ASRGL1: variants seen among roughly 807,000 people sequenced by gnomAD.
ASRGL1 encodes the protein isoaspartyl peptidase/L-asparaginase.
In ASRGL1, 16 loss-of-function variants were observed where a neutral mutation model predicts 22.4. The observed-to-expected ratio is 0.71, with a 90% confidence interval of 0.48 to 1.08. The LOEUF (loss-of-function observed/expected upper bound fraction) is 1.08, where lower values mean the gene tolerates loss of function less well. ASRGL1 is among the 50% of genes least tolerant of loss of function. The probability of loss-of-function intolerance (pLI) is 0.00; values close to 1 mark genes in which losing one functional copy is unlikely to be tolerated. For synonymous variants in ASRGL1, 165 were observed against 159.3 expected (o/e 1.04, Z -0.27); for missense variants, 412 against 410.1 (o/e 1.00, Z -0.04).
chr11:62,369,235 C>CT (rs1049790228), intron 4 of ASRGL1, among the ~76,000 whole-genome samples: 13 of 151,982 alleles, frequency 8.6e-5, no homozygotes, highest in South Asian at 4.1e-4. Context: ...CCTTCAAGCA[C>CT]TTTTTTTTAA....
At chr11:62,339,589 A>G (rs1191519991) in intron 2 of ASRGL1, among the ~76,000 whole-genome samples, 1 of 152,200 alleles carries the variant, frequency 6.6e-6, no homozygotes, top group Non-Finnish European at 1.5e-5. Context: ...AAATGAGTTG[A>G]TCATGTAACT....
chr11:62,364,841 G>C (rs2134637447), intron 4 of ASRGL1, among the ~76,000 whole-genome samples: 1 of 152,268 alleles, frequency 6.6e-6, no homozygotes, highest in East Asian at 1.9e-4. Flanking sequence ...GGCTGAGGCG[G>C]GCAGATCACC....
intron 4 of ASRGL1, among the ~76,000 whole-genome samples, chr11:62,388,646 G>T (rs1947267980): frequency 1.3e-5 from 2 of 148,374 alleles, no homozygotes; most frequent in Non-Finnish European, 3.0e-5. Flanking sequence ...CTGCAGCCTG[G>T]GCGACAAAGT....
At chr11:62,400,476 G>A in the ASRGL1 span, among the ~76,000 whole-genome samples, 1 of 152,134 alleles carries the variant, frequency 6.6e-6, no homozygotes, top group Non-Finnish European at 1.5e-5. Flanking sequence ...TGGACCCAAA[G>A]TTGCTTTAAC....
In ASRGL1 at chr11:62,338,350, A is replaced by G. The variant is rs994591744; in HGVS notation, c.190+183A>G. On this transcript the variant is annotated intron_variant, in intron 2 of 6. Coordinates refer to ENST00000415229, the MANE Select transcript of ASRGL1 (RefSeq NM_001083926.2). ...AAGAGTCAAACGCTAAAATATTTGTAGAGATTTATACTGAGGCAAATATGA... is the reference window on the plus strand; with the variant it reads ...AAGAGTCAAACGCTAAAATATTTGTGGAGATTTATACTGAGGCAAATATGA... 6 of 712,758 alleles carry G rather than the reference A, an allele frequency of 8.4e-6. No individual in the cohort carries two copies. The South Asian group carries it at 1.4e-4, about 16-fold the overall frequency. 44.2% of individuals were successfully genotyped at this position (712,758 alleles called of 1,614,324 possible). A position where few individuals can be genotyped will look rare whatever the true frequency, so the allele number is the denominator to read the frequency against.
At chr11:62,365,435 T>C (rs904387718) in intron 4 of ASRGL1, among the ~76,000 whole-genome samples, 1 of 151,722 alleles carries the variant, frequency 6.6e-6, no homozygotes, top group African/African-American at 2.4e-5. Context: ...GCGCCTGTAA[T>C]CCCAGCTACT....
At chr11:62,342,149 G>A (rs1373693799) in intron 2 of ASRGL1, among the ~76,000 whole-genome samples, 1 of 152,062 alleles carries the variant, frequency 6.6e-6, no homozygotes, top group African/African-American at 2.4e-5. Context: ...TGTTTCGATT[G>A]GCTCGCAACT....
intron 4 of ASRGL1, among the ~76,000 whole-genome samples, chr11:62,358,471 G>T (rs757441375): frequency 2.0e-5 from 3 of 152,068 alleles, no homozygotes; most frequent in African/African-American, 4.8e-5. Context: ...TAGCAGTGGG[G>T]TTGCCTTATG....
At position 62,366,541 on chromosome 11, in the gene ASRGL1, A is replaced by C. The variant is rs941145789; in HGVS notation, c.491+9397A>C. Among the ~76,000 whole-genome samples the C allele has an allele frequency of 4.9e-5, 6 of 123,600 alleles. 1 individual carries two copies. Among genetic ancestry groups the C allele is most frequent in the African/African-American group, 1.5e-4 (6 of 38,842 alleles). The allele number at this position is 123,600 out of a possible 152,430, so 81.1% of individuals were successfully genotyped here. On this transcript the variant is annotated intron_variant, in intron 4 of 6. Transcript: ENST00000415229. ...TTACTTTAATTTGCTCTTCCCTGAC[A>C]GTGAGTTTGAGCATTTTACATTTGT...
At chr11:62,338,922 G>C (rs930152118) in intron 2 of ASRGL1, among the ~76,000 whole-genome samples, 2 of 80,228 alleles carry the variant, frequency 2.5e-5, no homozygotes, top group Non-Finnish European at 4.4e-5. Context: ...GCGACAGAGC[G>C]AGACTATCTC....
chr11:62,357,342 C>T (rs978827949), intron 4 of ASRGL1, 198 bp downstream of exon 4: 3 of 539,456 alleles, frequency 5.6e-6, no homozygotes, highest in Non-Finnish European at 9.2e-6. Context: ...CTCCGCCTCC[C>T]AGGCTCAAGC....
chr11:62,362,540 TAA>T (rs1192546265), intron 4 of ASRGL1, among the ~76,000 whole-genome samples: 1 of 51,042 alleles, frequency 2.0e-5, no homozygotes, highest in East Asian at 6.6e-4. Context: ...ATATATTATA[TAA>T]AATATATAAC....
chr11:62,389,053 G>A, intron 4 of ASRGL1, 80 bp from the exon 5 acceptor site: 1 of 1,210,724 alleles, frequency 8.3e-7, no homozygotes, highest in African/African-American at 1.5e-5. Flanking sequence ...GAAACTTTAA[G>A]TGGTTTTAAG....
At chr11:62,360,916 A>G (rs966550544) in intron 4 of ASRGL1, among the ~76,000 whole-genome samples, 2 of 152,246 alleles carry the variant, frequency 1.3e-5, no homozygotes, top group African/African-American at 4.8e-5. Flanking sequence ...GAATAATACA[A>G]TGTATCCAAT....
chr11:62,370,745 T>TCA (rs1946739555), intron 4 of ASRGL1, among the ~76,000 whole-genome samples: 2 of 152,168 alleles, frequency 1.3e-5, no homozygotes, highest in Non-Finnish European at 2.9e-5. Context: ...TTTTGTAATA[T>TCA]CACCGCACTA....
chr11:62,393,973 C>T (rs1269454079), downstream of ASRGL1, among the ~76,000 whole-genome samples: 3 of 148,052 alleles, frequency 2.0e-5, no homozygotes, highest in Non-Finnish European at 3.0e-5. Context: ...TCCTAATCCC[C>T]TCTTCTTATG....
At chr11:62,400,809 C>G in the ASRGL1 span, among the ~76,000 whole-genome samples, 1 of 152,172 alleles carries the variant, frequency 6.6e-6, no homozygotes, top group African/African-American at 2.4e-5. Flanking sequence ...CAGCACCAAG[C>G]TGGGTCACAA....
chr11:62,360,330 CTTTTT>C (rs370345429), intron 4 of ASRGL1, among the ~76,000 whole-genome samples: 1 of 142,816 alleles, frequency 7.0e-6, no homozygotes, highest in East Asian at 2.0e-4. Context: ...GCCCGGCCAA[CTTTTT>C]TTTTTTTTAA....
intron 4 of ASRGL1, among the ~76,000 whole-genome samples, chr11:62,373,780 A>C (rs1223278253): frequency 6.6e-6 from 1 of 152,222 alleles, no homozygotes; most frequent in East Asian, 1.9e-4. Flanking sequence ...AACATTATAG[A>C]ATCAGCTGTG....
Sources: gnomAD v4.1 joint callset for allele counts (sites outside exome capture counted in the v4.1 genomes callset) on GRCh38, gnomAD v4.1.1 for gene constraint, MANE v1.5 for transcripts, NCBI Gene and HGNC (gene_info 2026-07-23, HGNC 2026-07-21) for gene names.